The following NREP variants were observed in gnomAD, a reference collection of about 807,000 sequenced individuals.
NREP encodes neuronal regeneration-related protein.
Under a neutral mutation model 8.6 loss-of-function variants are expected in NREP, and 5 were observed. The observed-to-expected ratio is 0.58, with a 90% CI of 0.30 to 1.22. The LOEUF (loss-of-function observed/expected upper bound fraction) is 1.22, where lower values mean the gene tolerates loss of function less well. NREP is among the 50% of genes most tolerant of loss of function. NREP has a pLI of 0.07. For missense variants in NREP, 86 were observed against 82.5 expected (o/e 1.04, Z -0.17); for synonymous variants, 27 against 28.0 (o/e 0.96, Z 0.11).
At chr5:111,866,852 G>A (rs1391414168) in intron 2 of NREP, among the ~76,000 whole-genome samples, 1 of 151,994 alleles carries the variant, frequency 6.6e-6, no homozygotes, top group Non-Finnish European at 1.5e-5. Flanking sequence ...GTAGGGACAT[G>A]GATGAAGCTG....
chr5:111,975,485 T>A, intron 1 of NREP: 2 of 741,006 alleles, frequency 2.7e-6, no homozygotes, highest in Non-Finnish European at 4.6e-6. Flanking sequence ...TGTTCTCATT[T>A]CTAAAATGAG....
At chr5:111,889,166 A>G (rs775905824) in intron 2 of NREP, among the ~76,000 whole-genome samples, 13 of 152,256 alleles carry the variant, frequency 8.5e-5, no homozygotes, top group Non-Finnish European at 1.9e-4. Context: ...GGCTGTACAG[A>G]AAGCATACTG....
At chr5:111,850,030 C>T (rs1034528170) in intron 2 of NREP, among the ~76,000 whole-genome samples, 3 of 152,146 alleles carry the variant, frequency 2.0e-5, no homozygotes, top group African/African-American at 7.2e-5. Context: ...TTTGATTTCT[C>T]AGTTACAGAA....
chr5:111,915,240 G>C (rs1755025199), intron 2 of NREP, among the ~76,000 whole-genome samples: 1 of 152,140 alleles, frequency 6.6e-6, no homozygotes, highest in Non-Finnish European at 1.5e-5. Context: ...TGAAAGTCCA[G>C]TGTTCTGGCC....
At chr5:111,842,699 A>G (rs1417451768) in intron 2 of NREP, among the ~76,000 whole-genome samples, 1 of 152,204 alleles carries the variant, frequency 6.6e-6, no homozygotes, top group Admixed American at 6.5e-5. Flanking sequence ...AGTTGTTAAT[A>G]GTGCCCTTTC....
intron 2 of NREP, among the ~76,000 whole-genome samples, chr5:111,870,184 C>T (rs1160363541): frequency 6.6e-6 from 1 of 152,154 alleles, no homozygotes; most frequent in Admixed American, 6.5e-5. Context: ...AAACCCAGCA[C>T]TTTGGGAGGC....
upstream of NREP, among the ~76,000 whole-genome samples, chr5:111,760,006 C>T (rs1366155256): frequency 6.6e-6 from 1 of 152,184 alleles, no homozygotes; most frequent in African/African-American, 2.4e-5. Flanking sequence ...TCTGATTGAT[C>T]ATTTAGGGCA....
At chr5:111,935,676 C>T (rs1290196655) in intron 2 of NREP, among the ~76,000 whole-genome samples, 1 of 152,080 alleles carries the variant, frequency 6.6e-6, no homozygotes, top group Non-Finnish European at 1.5e-5. Context: ...ATCCCTGCAA[C>T]AATCACATTA....
intron 2 of NREP, among the ~76,000 whole-genome samples, chr5:111,775,422 G>A (rs149109449): frequency 3.3e-5 from 5 of 152,228 alleles, no homozygotes; most frequent in African/African-American, 7.2e-5. Context: ...TCAAAGCTGA[G>A]CACATGATCC....
At position 111,799,876 on chromosome 5, in the gene NREP, G is replaced by C. The variant is rs79248026; in HGVS notation, c.136-64369C>G. Among the ~76,000 whole-genome samples, 365 of 152,218 alleles carry C rather than the reference G, an allele frequency of 2.4e-3. 3 individuals are homozygous for C. In the East Asian group the frequency reaches 0.035, roughly 15 times the overall value. On this transcript the variant is annotated intron_variant, in intron 2 of 3. Coordinates refer to the NREP transcript ENST00000395634. Reference sequence around the variant, plus strand: ...ACAGTGAAAGAATGTTGCCTTTTCAGGATTTGTTGGTTTGTTGGTAGTAAA... The same window carrying C: ...ACAGTGAAAGAATGTTGCCTTTTCACGATTTGTTGGTTTGTTGGTAGTAAA...
At chr5:111,798,607 A>G (rs149491632) in intron 2 of NREP, among the ~76,000 whole-genome samples, 94 of 152,258 alleles carry the variant, frequency 6.2e-4, no homozygotes, top group African/African-American at 2.3e-3. Flanking sequence ...CCATATATGA[A>G]TGAGAACATA....
At chr5:111,850,614 T>C (rs1452819138) in intron 2 of NREP, among the ~76,000 whole-genome samples, 1 of 152,166 alleles carries the variant, frequency 6.6e-6, no homozygotes, top group Non-Finnish European at 1.5e-5. Context: ...GTCTTGTTGC[T>C]TTGATTTGTT....
chr5:111,769,163 T>C (rs140154682), intron 2 of NREP, among the ~76,000 whole-genome samples: 1 of 152,350 alleles, frequency 6.6e-6, no homozygotes, highest in East Asian at 1.9e-4. Context: ...GCATTACCTT[T>C]GGTGTGAAGC....
At chr5:111,802,694 G>C (rs149288469) in intron 2 of NREP, among the ~76,000 whole-genome samples, 1 of 152,154 alleles carries the variant, frequency 6.6e-6, no homozygotes, top group Non-Finnish European at 1.5e-5. Flanking sequence ...CATGTTAAGG[G>C]TTAAAGATTA....
intron 2 of NREP, among the ~76,000 whole-genome samples, chr5:111,876,381 C>A (rs577390406): frequency 1.5e-3 from 233 of 152,300 alleles, no homozygotes; most frequent in South Asian, 9.1e-3. Context: ...GGTTTCACAG[C>A]CCAACTTCAT....
At chr5:111,852,013 G>A (rs931481588) in intron 2 of NREP, among the ~76,000 whole-genome samples, 2 of 152,172 alleles carry the variant, frequency 1.3e-5, no homozygotes, top group Non-Finnish European at 2.9e-5. Flanking sequence ...CATTGTGGTA[G>A]TAGTAAGAGG....
chr5:111,887,928 A>G (rs572245080), intron 2 of NREP, among the ~76,000 whole-genome samples: 51 of 152,330 alleles, frequency 3.3e-4, no homozygotes, highest in African/African-American at 1.2e-3. Context: ...TCCCAGAGGT[A>G]CCTTGTTACA....
At chr5:111,835,278 C>T (rs1325594005) in intron 2 of NREP, among the ~76,000 whole-genome samples, 1 of 152,000 alleles carries the variant, frequency 6.6e-6, no homozygotes, top group Non-Finnish European at 1.5e-5. Context: ...AATTATTAGT[C>T]TAATTTGTTC....
At chr5:111,864,644 A>C (rs1224647144) in intron 2 of NREP, among the ~76,000 whole-genome samples, 1 of 152,164 alleles carries the variant, frequency 6.6e-6, no homozygotes, top group African/African-American at 2.4e-5. Flanking sequence ...TTTGAGAAAC[A>C]CTGCTCTGAA....
Sources: gnomAD v4.1 joint callset for allele counts (sites outside exome capture counted in the v4.1 genomes callset) on GRCh38, gnomAD v4.1.1 for gene constraint, MANE v1.5 for transcripts, NCBI Gene and HGNC (gene_info 2026-07-23, HGNC 2026-07-21) for gene names.